GLIPR1L2: variants seen among roughly 807,000 people sequenced by gnomAD.
GLIPR1L2 encodes the protein GLIPR1-like protein 2.
GLIPR1L2 carries 21 observed loss-of-function variants against 28.4 expected under a neutral mutation model. The observed-to-expected ratio is 0.74, with a 90% CI of 0.52 to 1.06. The LOEUF is 1.06. Among genes scored for constraint, GLIPR1L2 ranks in the 50% least tolerant of loss-of-function variants. GLIPR1L2 has a pLI of 0.00. For missense variants in GLIPR1L2, 476 were observed against 416.9 expected, an observed-to-expected ratio of 1.14 and a Z score of -1.23; for synonymous variants, 145 against 139.3, an observed-to-expected ratio of 1.04 and a Z score of -0.29.
At chr12:75,422,530 C>T (rs1476236116) in intron 3 of GLIPR1L2, among the ~76,000 whole-genome samples, 1 of 152,064 alleles carries the variant, frequency 6.6e-6, no homozygotes, top group South Asian at 2.1e-4. Context: ...TCTCGATCTC[C>T]TGACATTGTG....
intron 1 of GLIPR1L2, among the ~76,000 whole-genome samples, chr12:75,400,139 G>A (rs2045723627): frequency 6.6e-6 from 1 of 152,020 alleles, no homozygotes; most frequent in Admixed American, 6.6e-5. Context: ...TATTTTTTGA[G>A]ACAGAGTCTC....
intron 1 of GLIPR1L2, among the ~76,000 whole-genome samples, chr12:75,398,758 T>C (rs774041835): frequency 1.1e-4 from 16 of 152,188 alleles, no homozygotes; most frequent in Non-Finnish European, 1.9e-4. Flanking sequence ...GTGCAGTCAA[T>C]GTTAACATTT....
rs1207899815 is a variant in GLIPR1L2 at position 75,432,641 on chromosome 12, A to G, written c.*1480A>G. On this transcript the variant is annotated 3_prime_UTR_variant, in exon 6 of 6. Coordinates refer to ENST00000550916, the MANE Select transcript of GLIPR1L2 (RefSeq NM_001270396.2). ...ATTCTGTTAAAAACCTGTTCGAAGT[A>G]GGGCAAGATGAGAATTATATTAAAA... 6.6e-6 allele frequency: 1 copy of G among 152,002 alleles called. No individual in the cohort carries two copies. The highest frequency in any genetic ancestry group is 1.5e-5 in the Non-Finnish European group (1 of 67,974). The allele number at this position is 152,002 out of a possible 1,614,324, so 9.4% of individuals were successfully genotyped here. A position where few individuals can be genotyped will look rare whatever the true frequency, so the allele number is the denominator to read the frequency against.
intron 2 of GLIPR1L2, 139 bp from the exon 3 acceptor site, chr12:75,413,459 T>G (rs1454331490): frequency 1.9e-6 from 1 of 531,138 alleles, no homozygotes; most frequent in Non-Finnish European, 3.3e-6. Flanking sequence ...ACTCTCTACA[T>G]GTCTCTAAAT....
chr12:75,432,314 T>C lies in GLIPR1L2; in HGVS notation c.*1153T>C, dbSNP rs1211763059. The stretch of plus-strand genomic sequence containing the variant: ...CTCAATGTGACTGAGATGTGAAAGG[T>C]TGATATAATTCTATTTATGACAGGG... On this transcript the variant is annotated 3_prime_UTR_variant, in exon 6 of 6. Transcript: ENST00000550916. 1 of 152,188 alleles carries C rather than the reference T, an allele frequency of 6.6e-6. No homozygotes were observed. The highest frequency in any genetic ancestry group is 2.4e-5 in the African/African-American group (1 of 41,464). The allele number at this position is 152,188 out of a possible 1,614,324, so 9.4% of individuals were successfully genotyped here.
chr12:75,421,578 GAT>G (rs2045976425), intron 3 of GLIPR1L2, among the ~76,000 whole-genome samples: 1 of 152,100 alleles, frequency 6.6e-6, no homozygotes, highest in Non-Finnish European at 1.5e-5. Context: ...CAGGATTAAT[GAT>G]GCTGCCCCCA....
intron 1 of GLIPR1L2, among the ~76,000 whole-genome samples, chr12:75,392,374 A>T (rs983234934): frequency 2.0e-5 from 3 of 152,216 alleles, no homozygotes; most frequent in Non-Finnish European, 4.4e-5. Flanking sequence ...AATTACAAAA[A>T]TGGTCATTTG....
chr12:75,402,711 C>T (rs2045755829), intron 1 of GLIPR1L2, among the ~76,000 whole-genome samples: 1 of 152,192 alleles, frequency 6.6e-6, no homozygotes, highest in African/African-American at 2.4e-5. Context: ...GCAAATCACA[C>T]CTAGCCCAGT....
At chr12:75,418,694 G>C in intron 3 of GLIPR1L2, among the ~76,000 whole-genome samples, 1 of 152,126 alleles carries the variant, frequency 6.6e-6, no homozygotes, top group East Asian at 1.9e-4. Context: ...ATTTAAAGTA[G>C]TTTTTTCCAG....
intron 1 of GLIPR1L2, among the ~76,000 whole-genome samples, chr12:75,401,153 A>G (rs1044846292): frequency 6.6e-6 from 1 of 151,852 alleles, no homozygotes; most frequent in South Asian, 2.1e-4. Context: ...AATGACTTTT[A>G]AAAAACTGTA....
intron 1 of GLIPR1L2, among the ~76,000 whole-genome samples, chr12:75,398,089 G>A (rs1347603126): frequency 6.6e-6 from 1 of 150,712 alleles, no homozygotes; most frequent in South Asian, 2.1e-4. Flanking sequence ...CCAACACTTC[G>A]GGAGGCCAAG....
At chr12:75,416,391 G>A (rs2045923887) in intron 3 of GLIPR1L2, among the ~76,000 whole-genome samples, 1 of 130,694 alleles carries the variant, frequency 7.7e-6, no homozygotes, top group South Asian at 2.5e-4. Context: ...AATTAGATCA[G>A]CATGTGGGAG....
At chr12:75,405,771 T>C (rs1330910229) in intron 1 of GLIPR1L2, among the ~76,000 whole-genome samples, 2 of 152,090 alleles carry the variant, frequency 1.3e-5, no homozygotes, top group Admixed American at 1.3e-4. Flanking sequence ...TATAGAAATA[T>C]GGATATAGAA....
At chr12:75,411,647 C>A (rs2045868812) in intron 2 of GLIPR1L2, among the ~76,000 whole-genome samples, 1 of 151,900 alleles carries the variant, frequency 6.6e-6, no homozygotes, top group Non-Finnish European at 1.5e-5. Context: ...CTCCTTAATT[C>A]TAGTCTCCTA....
chr12:75,423,473 G>A (rs2046000366), intron 4 of GLIPR1L2: 1 of 856,170 alleles, frequency 1.2e-6, no homozygotes, highest in African/African-American at 1.8e-5. Context: ...AAACATGAGA[G>A]AATATACTCC....
intron 1 of GLIPR1L2, among the ~76,000 whole-genome samples, chr12:75,409,578 T>TAC (rs1402837022): frequency 2.0e-5 from 3 of 147,030 alleles, no homozygotes; most frequent in Admixed American, 6.9e-5. Context: ...TATATATATA[T>TAC]ACACACACAC....
In GLIPR1L2 at chr12:75,421,307, C is replaced by T. The variant is rs138495009; in HGVS notation, c.585-1597C>T. Among the ~76,000 whole-genome samples, 5 of 152,298 alleles carry T rather than the reference C, an allele frequency of 3.3e-5. No individual in the cohort carries two copies. The East Asian group carries it at 9.6e-4, about 29-fold the overall frequency. ...AATTGAAGAAGTGATATATGATCTACAAATAACCACAAACCTCTGGATGTT... is the reference window on the plus strand; with the variant it reads ...AATTGAAGAAGTGATATATGATCTATAAATAACCACAAACCTCTGGATGTT... On this transcript the variant is annotated intron_variant, in intron 3 of 5. Coordinates refer to ENST00000550916, the MANE Select transcript of GLIPR1L2 (RefSeq NM_001270396.2).
chr12:75,398,680 A>G (rs1196944311), intron 1 of GLIPR1L2, among the ~76,000 whole-genome samples: 4 of 152,198 alleles, frequency 2.6e-5, no homozygotes, highest in Admixed American at 2.6e-4. Flanking sequence ...GTAGTTTTAT[A>G]TGTAATATCA....
chr12:75,395,748 G>C (rs1260277798), intron 1 of GLIPR1L2, among the ~76,000 whole-genome samples: 1 of 151,846 alleles, frequency 6.6e-6, no homozygotes, highest in Non-Finnish European at 1.5e-5. Context: ...CCAGGAATAA[G>C]TCTTCTGTCT....
Sources: allele counts gnomAD v4.1 joint callset (sites outside exome capture counted in the v4.1 genomes callset), GRCh38; gene constraint gnomAD v4.1.1; transcripts MANE v1.5; gene names NCBI Gene and HGNC (gene_info 2026-07-23, HGNC 2026-07-21).